RC3H1: variants seen among roughly 807,000 people sequenced by gnomAD.
RC3H1 encodes the protein ring finger and CCCH-type domains 1, also known as roquin-1.
A neutral mutation model predicts 138.2 loss-of-function variants in RC3H1; 50 were observed. The ratio of observed to expected loss-of-function variants is 0.36; its 90% CI spans 0.29 to 0.46. The LOEUF (loss-of-function observed/expected upper bound fraction) is 0.46. RC3H1 is among the 20% of genes least tolerant of loss of function. The pLI is 1.00. For synonymous variants in RC3H1, 462 were observed against 489.1 expected, an observed-to-expected ratio of 0.94 and a Z score of 0.73; for missense variants, 1,031 against 1,388.1, an observed-to-expected ratio of 0.74 and a Z score of 4.09.
rs111883106 is a variant in RC3H1, at chr1:173,939,408, C to A, written c.3252-537G>T. ...CAAAAATTAGCCTGGTGGTGTGTGC[C>A]TGTAAAAACCTACTAGGGAGGCAGA... On this transcript the variant is annotated intron_variant, in intron 19 of 19. Transcript: ENST00000367696. Among the ~76,000 whole-genome samples the A allele has an allele frequency of 2.6e-5, 4 of 151,160 alleles. 1 individual carries two copies. Among genetic ancestry groups the A allele is most frequent in the African/African-American group, 9.7e-5 (4 of 41,148 alleles).
chr1:173,980,712 C>CA lies in RC3H1; in HGVS notation c.969+96dup, dbSNP rs1210446572. ...TGACACTGGCTATAAATACAATTTACAAAAGCTATACAGTATTCACTTTAA... is the reference window on the plus strand; with the variant it reads ...TGACACTGGCTATAAATACAATTTACAAAAAGCTATACAGTATTCACTTTAA... On this transcript the variant is annotated intron_variant, in intron 6 of 19. Transcript: ENST00000367696. The CA allele has an allele frequency of 1.9e-5, 15 of 783,184 alleles. No homozygotes were observed. The African/African-American group carries it at 2.6e-4, about 14-fold the overall frequency. 48.5% of individuals were successfully genotyped at this position (783,184 alleles called of 1,614,324 possible).
At chr1:173,979,621 A>T (rs1660722186) in intron 6 of RC3H1, among the ~76,000 whole-genome samples, 1 of 152,122 alleles carries the variant, frequency 6.6e-6, no homozygotes. Flanking sequence ...GTGCCATTGC[A>T]CTCCAGCCTG....
At position 173,935,986 on chromosome 1, in the gene RC3H1, G is replaced by A. The variant is rs1658566769; in HGVS notation, c.*2735C>T. 3 of 152,124 alleles carry A rather than the reference G, an allele frequency of 2.0e-5. No individual in the cohort carries two copies. Among genetic ancestry groups the A allele is most frequent in the Admixed American group, 2.0e-4 (3 of 15,274 alleles). 9.4% of individuals were successfully genotyped at this position (152,124 alleles called of 1,614,324 possible). On this transcript the variant is annotated 3_prime_UTR_variant, in exon 20 of 20. Transcript: ENST00000367696. ...CCCCAAATGAAAATACATGAAAAGA[G>A]AAAGATACTATTTTAAGTCAAGTTT... is the stretch of plus-strand genomic sequence containing the variant.
At chr1:173,998,964 C>A (rs953240922) in intron 1 of RC3H1, among the ~76,000 whole-genome samples, 1 of 151,712 alleles carries the variant, frequency 6.6e-6, no homozygotes, top group Non-Finnish European at 1.5e-5. Context: ...TGTGGTGGCA[C>A]GTACTTGTAG....
intron 18 of RC3H1, among the ~76,000 whole-genome samples, chr1:173,942,437 A>G (rs1658921408): frequency 6.7e-6 from 1 of 149,412 alleles, no homozygotes. Context: ...TCAAAAAAAA[A>G]AAAAAAAAAA....
At position 173,967,557 on chromosome 1, in the gene RC3H1, AT is replaced by A. The variant is rs1254095713; in HGVS notation, c.1335-2438del. ...AGTCCAAAAATACTAAGTTGCTTTA[AT>A]TTGCATTTCTTTAACAACTAGTGAG... On this transcript the variant is annotated intron_variant, in intron 9 of 19. Coordinates refer to ENST00000367696, the MANE Select transcript of RC3H1 (RefSeq NM_172071.4). Among the ~76,000 whole-genome samples the A allele has an allele frequency of 2.6e-5, 4 of 152,216 alleles. No individual in the cohort carries two copies. In the East Asian group the frequency reaches 5.8e-4, roughly 22 times the overall value.
intron 7 of RC3H1, 105 bp downstream of exon 7, chr1:173,978,383 A>AACT (rs1484024548): frequency 3.7e-5 from 44 of 1,185,608 alleles, no homozygotes; most frequent in Non-Finnish European, 1.3e-5. Context: ...GATCTGGAGT[A>AACT]ACTACTTTGG....
Position 173,960,529 on chromosome 1 carries a change from T to C in RC3H1, c.2370+548A>G, listed in dbSNP as rs534962769. Among the ~76,000 whole-genome samples, 7 of 152,346 alleles carry C rather than the reference T, an allele frequency of 4.6e-5. No individual in the cohort carries two copies. In the South Asian group the frequency reaches 1.5e-3, roughly 32 times the overall value. Reference sequence around the variant, plus strand: ...CATCTGAACTTAAACTGGCCACATATTACATGTTCAACAGCCACATGTGGC... The same window carrying C: ...CATCTGAACTTAAACTGGCCACATACTACATGTTCAACAGCCACATGTGGC... On this transcript the variant is annotated intron_variant, in intron 13 of 19. Coordinates refer to ENST00000367696, the MANE Select transcript of RC3H1 (RefSeq NM_172071.4).
chr1:173,948,227 G>A (rs1056268854), intron 14 of RC3H1, among the ~76,000 whole-genome samples: 1 of 152,114 alleles, frequency 6.6e-6, no homozygotes. Context: ...AATCATAAGA[G>A]GACCACTCAA....
chr1:173,937,769 T>C lies in RC3H1; in HGVS notation c.*952A>G, dbSNP rs1363724030. 10 of 152,352 alleles carry C rather than the reference T, an allele frequency of 6.6e-5. 1 individual carries two copies. The highest frequency in any genetic ancestry group is 4.6e-4 in the Admixed American group (7 of 15,298). The allele number at this position is 152,352 out of a possible 1,614,324, so 9.4% of individuals were successfully genotyped here. On this transcript the variant is annotated 3_prime_UTR_variant, in exon 20 of 20. Transcript: ENST00000367696. Reference sequence around the variant, plus strand: ...AATCAAATGTTGCAGTTTTAAAACATAGTTGATTGTCCTTGTTTTTTAGCA... The same window carrying C: ...AATCAAATGTTGCAGTTTTAAAACACAGTTGATTGTCCTTGTTTTTTAGCA...
intron 13 of RC3H1, among the ~76,000 whole-genome samples, chr1:173,957,733 T>G (rs1309558740): frequency 6.6e-6 from 1 of 152,094 alleles, no homozygotes; most frequent in African/African-American, 2.4e-5. Context: ...TCATTTTTAT[T>G]TTTAAATCTG....
At chr1:173,940,238 G>A (rs1439791843) in intron 19 of RC3H1, among the ~76,000 whole-genome samples, 4 of 152,140 alleles carry the variant, frequency 2.6e-5, no homozygotes, top group Middle Eastern at 3.2e-3. Flanking sequence ...TTGGGAGGCC[G>A]AGGCAGGTGG....
At chr1:173,995,614 T>C (rs1465014827) in intron 1 of RC3H1, among the ~76,000 whole-genome samples, 1 of 152,050 alleles carries the variant, frequency 6.6e-6, no homozygotes, top group Non-Finnish European at 1.5e-5. Flanking sequence ...ATGATGGTAT[T>C]TGGTTACTAT....
intron 1 of RC3H1, among the ~76,000 whole-genome samples, chr1:174,021,616 G>T (rs547768252): frequency 1.3e-5 from 2 of 152,168 alleles, no homozygotes; most frequent in Non-Finnish European, 1.5e-5. Context: ...GGCCAAAGAA[G>T]GGGAGCGCTT....
chr1:173,965,778 TA>T (rs1185161796), intron 9 of RC3H1, among the ~76,000 whole-genome samples: 1 of 152,142 alleles, frequency 6.6e-6, no homozygotes, highest in Non-Finnish European at 1.5e-5. Flanking sequence ...GAGCCAATGT[TA>T]AAAAATTAGG....
rs1047301641 is a variant in RC3H1, at chr1:173,938,434, T to C, written c.*287A>G. 2 of 222,922 alleles carry C rather than the reference T, an allele frequency of 9.0e-6. No homozygotes were observed. The highest frequency in any genetic ancestry group is 1.7e-5 in the Non-Finnish European group (2 of 115,098). 13.8% of individuals were successfully genotyped at this position (222,922 alleles called of 1,614,324 possible). A position where few individuals can be genotyped will look rare whatever the true frequency, so the allele number is the denominator to read the frequency against. On this transcript the variant is annotated 3_prime_UTR_variant, in exon 20 of 20. Coordinates refer to ENST00000367696, the MANE Select transcript of RC3H1 (RefSeq NM_172071.4). Reference sequence around the variant, plus strand: ...TTTTTAAAGCCCTGGATCCAAGGCGTCCAAAGTTATTAAAATAAAGTTCAT... The same window carrying C: ...TTTTTAAAGCCCTGGATCCAAGGCGCCCAAAGTTATTAAAATAAAGTTCAT...
intron 1 of RC3H1, among the ~76,000 whole-genome samples, chr1:174,021,879 C>T (rs1314946993): frequency 6.6e-6 from 1 of 152,250 alleles, no homozygotes; most frequent in Non-Finnish European, 1.5e-5. Flanking sequence ...AGGCGGCATG[C>T]AGAGGCCTGA....
chr1:173,985,065 C>T (rs1242263269), intron 2 of RC3H1, among the ~76,000 whole-genome samples: 2 of 152,156 alleles, frequency 1.3e-5, no homozygotes, highest in African/African-American at 4.8e-5. Flanking sequence ...AAAATCAATA[C>T]AATAAATAGT....
chr1:173,974,842 G>C (rs1660508208), intron 7 of RC3H1, among the ~76,000 whole-genome samples: 1 of 152,170 alleles, frequency 6.6e-6, no homozygotes, highest in South Asian at 2.1e-4. Flanking sequence ...ACAGACAACA[G>C]GAGGCTATTC....
Sources: gnomAD v4.1 joint callset for allele counts (sites outside exome capture counted in the v4.1 genomes callset) on GRCh38, gnomAD v4.1.1 for gene constraint, MANE v1.5 for transcripts, NCBI Gene and HGNC (gene_info 2026-07-23, HGNC 2026-07-21) for gene names.